Variants in TMEM131 observed in about 807,000 individuals in gnomAD.
TMEM131 encodes transmembrane protein 131.
In TMEM131, 66 loss-of-function variants were observed where a neutral mutation model predicts 211.6. That is an observed-to-expected ratio of 0.31 (90% CI 0.26 to 0.38). TMEM131 has a LOEUF of 0.38. Among genes scored for constraint, TMEM131 ranks in the 10% least tolerant of loss-of-function variants. The pLI is 1.00. For synonymous variants in TMEM131, 844 were observed against 841.3 expected (o/e 1.00, Z -0.06); for missense variants, 2,036 against 2,299.3 (o/e 0.89, Z 2.34).
chr2:97,961,312 T>G (rs1431382900), intron 1 of TMEM131, among the ~76,000 whole-genome samples: 1 of 152,214 alleles, frequency 6.6e-6, no homozygotes, highest in Non-Finnish European at 1.5e-5. Flanking sequence ...ATCCAATTGT[T>G]TGTATACTTG....
chr2:97,954,419 T>C (rs1448694056), intron 1 of TMEM131, among the ~76,000 whole-genome samples: 1 of 152,136 alleles, frequency 6.6e-6, no homozygotes, highest in Non-Finnish European at 1.5e-5. Context: ...TACGGACCAA[T>C]TCCTCAAAAA....
At chr2:97,898,902 C>T (rs1675730874) in intron 3 of TMEM131, among the ~76,000 whole-genome samples, 1 of 151,928 alleles carries the variant, frequency 6.6e-6, no homozygotes, top group South Asian at 2.1e-4. Context: ...AGAGTATAAT[C>T]TATATAATCT....
intron 11 of TMEM131, among the ~76,000 whole-genome samples, chr2:97,829,629 C>T (rs1682565501): frequency 6.6e-6 from 1 of 152,174 alleles, no homozygotes; most frequent in African/African-American, 2.4e-5. Flanking sequence ...CCCTTCCACG[C>T]TGTGGAAGCT....
intron 5 of TMEM131, among the ~76,000 whole-genome samples, chr2:97,845,366 C>A (rs1386664186): frequency 3.9e-5 from 6 of 151,972 alleles, no homozygotes; most frequent in African/African-American, 1.5e-4. Flanking sequence ...CACGGGAGCA[C>A]AAAAGCCCTG....
intron 24 of TMEM131, 98 bp from the exon 25 acceptor site, chr2:97,802,059 T>C: frequency 2.5e-6 from 2 of 790,556 alleles, no homozygotes; most frequent in South Asian, 4.6e-5. Context: ...TTCAAATTAT[T>C]GTCTGTCAGG....
chr2:97,855,258 A>C (rs1466389762), intron 5 of TMEM131, among the ~76,000 whole-genome samples: 5 of 152,258 alleles, frequency 3.3e-5, no homozygotes, highest in African/African-American at 4.8e-5. Flanking sequence ...TACAGTGCAA[A>C]GATGACTGAA....
At chr2:97,943,078 A>C (rs1677866442) in intron 1 of TMEM131, among the ~76,000 whole-genome samples, 1 of 145,788 alleles carries the variant, frequency 6.9e-6, no homozygotes, top group African/African-American at 2.5e-5. Context: ...AGAAAGAAAG[A>C]AAGAAAGAAA....
intron 4 of TMEM131, among the ~76,000 whole-genome samples, chr2:97,880,043 T>C (rs1674859836): frequency 6.6e-6 from 1 of 152,140 alleles, no homozygotes; most frequent in Non-Finnish European, 1.5e-5. Flanking sequence ...AACAGAAGTA[T>C]AAATATGCAA....
intron 1 of TMEM131, among the ~76,000 whole-genome samples, chr2:97,962,769 A>G (rs1027030303): frequency 1.3e-5 from 2 of 152,236 alleles, no homozygotes; most frequent in Non-Finnish European, 2.9e-5. Context: ...ATAGCCCTAA[A>G]CTTGAAACAA....
At chr2:97,885,440 C>CCTCG (rs1553609817) in intron 4 of TMEM131, among the ~76,000 whole-genome samples, 4,240 of 150,840 alleles carry the variant, frequency 0.028, 68 homozygotes, top group Middle Eastern at 0.059. Context: ...GTGATCCGCC[C>CCTCG]GCCTCCCAAA....
intron 4 of TMEM131, among the ~76,000 whole-genome samples, chr2:97,882,823 T>C (rs1463120455): frequency 6.6e-6 from 1 of 152,210 alleles, no homozygotes; most frequent in Admixed American, 6.5e-5. Context: ...CTTCTACAGA[T>C]CCACTTCTAC....
chr2:97,971,373 G>C (rs945741991), intron 1 of TMEM131, among the ~76,000 whole-genome samples: 1 of 151,940 alleles, frequency 6.6e-6, no homozygotes, highest in East Asian at 1.9e-4. Context: ...GAGGAAGGGG[G>C]GAAAATATAC....
chr2:97,797,396 T>C lies in TMEM131; in HGVS notation c.2839A>G (p.Asn947Asp). 1 of 1,611,432 alleles carries C rather than the reference T, an allele frequency of 6.2e-7. No homozygotes were observed. The highest frequency in any genetic ancestry group is 1.1e-5 in the South Asian group (1 of 90,810). ...ATGATAAGTGAAGAAACAGTTCTGT[T>C]GTGAACTGGAGTAAACTTTACTTTG... Reference protein sequence around the residue: ...SVKVKFTPVHNRTVSSLIIVR... With the variant: ...SVKVKFTPVHDRTVSSLIIVR... The change falls in exon 26 of 41, where the codon AAC (asparagine) becomes GAC (aspartate). Residue 947 changes from asparagine (N) to aspartate (D), a missense_variant. By Grantham distance (23) the Asn-to-Asp change is conservative (BLOSUM62 1). This residue lies in a region of TMEM131 where 1,623 missense variants were observed against 1,805.9 expected (regional missense o/e 0.90). Coordinates refer to ENST00000186436, the MANE Select transcript of TMEM131 (RefSeq NM_015348.2).
rs578242477 is a variant in TMEM131, at chr2:97,914,970, T to C, written c.250-6272A>G. 1.2e-4 allele frequency among the ~76,000 whole-genome samples: 19 copies of C among 152,376 alleles called. No individual in the cohort carries two copies. In the South Asian group the frequency reaches 3.7e-3, roughly 30 times the overall value. On this transcript the variant is annotated intron_variant, in intron 2 of 40. Transcript: ENST00000186436. ...AACTGCCAAACTGTTTTTTCCAGAGTAGCTGTATCACTCACATACCCTCTA... is the reference window on the plus strand; with the variant it reads ...AACTGCCAAACTGTTTTTTCCAGAGCAGCTGTATCACTCACATACCCTCTA...
At chr2:97,818,457 T>G (rs1681939574) in intron 12 of TMEM131, among the ~76,000 whole-genome samples, 156 bp downstream of exon 12, 1 of 24,872 alleles carries the variant, frequency 4.0e-5, no homozygotes. Flanking sequence ...TCATGATGGT[T>G]TACAGCGGGG....
chr2:97,812,837 T>C, intron 15 of TMEM131, 88 bp from the exon 16 acceptor site: 1 of 726,890 alleles, frequency 1.4e-6, no homozygotes. Context: ...TAAAGATGTA[T>C]TAAAGTTCCC....
At chr2:97,967,410 TAACATAAAACA>T (rs1431465562) in intron 1 of TMEM131, among the ~76,000 whole-genome samples, 2 of 152,134 alleles carry the variant, frequency 1.3e-5, no homozygotes, top group Non-Finnish European at 2.9e-5. Context: ...ACAGGAAGTG[TAACATAAAACA>T]GTACAGTGTG....
rs1678037263 is a variant in TMEM131 at position 97,946,307 on chromosome 2, A to T, written c.188-18820T>A. Among the ~76,000 whole-genome samples the T allele has an allele frequency of 2.6e-5, 4 of 152,044 alleles. No homozygotes were observed. In the South Asian group the frequency reaches 8.3e-4, roughly 31 times the overall value. On this transcript the variant is annotated intron_variant, in intron 1 of 40. Coordinates refer to ENST00000186436, the MANE Select transcript of TMEM131 (RefSeq NM_015348.2). ...AGTAGAAAGCAGAAAATAGAGAAAA[A>T]TCGAAGGAAACAAAAGTTTTCTGTT... is the stretch of plus-strand genomic sequence containing the variant.
chr2:97,811,311 C>T (rs1681539156), intron 17 of TMEM131, 79 bp from the exon 18 acceptor site: 6 of 1,034,378 alleles, frequency 5.8e-6, no homozygotes, highest in East Asian at 2.4e-5. Context: ...AAGGGTGTAG[C>T]GATAAAATGA....
Sources: gnomAD v4.1 joint callset for allele counts (sites outside exome capture counted in the v4.1 genomes callset) on GRCh38, gnomAD v4.1.1 for gene constraint, gnomAD v4.1.1 regional missense constraint, MANE v1.5 for transcripts, NCBI Gene and HGNC (gene_info 2026-07-23, HGNC 2026-07-21) for gene names.